The following RBMS3 variants were observed in gnomAD, a reference collection of about 807,000 sequenced individuals.
RBMS3 encodes RNA-binding motif, single-stranded-interacting protein 3.
In RBMS3, 27 loss-of-function variants were observed where a neutral mutation model predicts 66.8. The observed-to-expected ratio is 0.40, with a 90% confidence interval of 0.30 to 0.56. RBMS3 has a LOEUF of 0.56. Ranked by LOEUF, RBMS3 falls within the 20% of genes least tolerant of loss-of-function variation. RBMS3 has a pLI of 0.40. For synonymous variants in RBMS3, 188 were observed against 183.0 expected, an observed-to-expected ratio of 1.03 and a Z score of -0.22; for missense variants, 513 against 549.5, an observed-to-expected ratio of 0.93 and a Z score of 0.66.
chr3:29,473,709 G>A (rs2042840108), intron 2 of RBMS3, among the ~76,000 whole-genome samples: 1 of 151,630 alleles, frequency 6.6e-6, no homozygotes, highest in South Asian at 2.1e-4. Context: ...GGCACTGCTG[G>A]GGGACCCAGT....
intron 4 of RBMS3, among the ~76,000 whole-genome samples, chr3:29,629,570 A>G (rs560615160): frequency 3.3e-5 from 5 of 152,104 alleles, no homozygotes; most frequent in Non-Finnish European, 7.4e-5. Context: ...CAAGATAATG[A>G]GCAGATTCAG....
intron 5 of RBMS3, among the ~76,000 whole-genome samples, chr3:29,741,227 C>T (rs17024316): frequency 1.6e-4 from 24 of 151,848 alleles, no homozygotes; most frequent in African/African-American, 5.3e-4. Flanking sequence ...GAGACAAATG[C>T]AAGGTACATG....
At chr3:29,296,577 T>C (rs1219323715) in intron 1 of RBMS3, among the ~76,000 whole-genome samples, 2 of 151,732 alleles carry the variant, frequency 1.3e-5, no homozygotes, top group East Asian at 3.9e-4. Flanking sequence ...AATGTTAAGA[T>C]CAGAGCATGA....
intron 3 of RBMS3, among the ~76,000 whole-genome samples, chr3:29,573,600 T>C (rs59576812): frequency 0.018 from 2,677 of 152,284 alleles, 74 homozygotes; most frequent in African/African-American, 0.06. Context: ...TCTTTTCTTC[T>C]AACTTTGCGT....
chr3:29,698,174 C>G, intron 4 of RBMS3: 1 of 973,896 alleles, frequency 1.0e-6, no homozygotes, highest in Non-Finnish European at 1.2e-6. Flanking sequence ...CTTCAGACTA[C>G]TGTTATTCTA....
intron 4 of RBMS3, among the ~76,000 whole-genome samples, chr3:29,734,449 T>C (rs1212501483): frequency 6.6e-6 from 1 of 152,132 alleles, no homozygotes; most frequent in African/African-American, 2.4e-5. Context: ...GTTATGAATA[T>C]GCTAATGACC....
At chr3:29,503,718 A>G (rs535664211) in intron 3 of RBMS3, among the ~76,000 whole-genome samples, 5 of 152,260 alleles carry the variant, frequency 3.3e-5, no homozygotes, top group African/African-American at 1.2e-4. Flanking sequence ...AACCAAAATC[A>G]AGTAATTCTC....
chr3:29,783,500 G>C (rs2056712909), intron 6 of RBMS3, among the ~76,000 whole-genome samples: 1 of 152,116 alleles, frequency 6.6e-6, no homozygotes, highest in South Asian at 2.1e-4. Context: ...AATGCTGAGA[G>C]AATTTGCTAC....
intron 4 of RBMS3, among the ~76,000 whole-genome samples, chr3:29,704,128 A>C (rs2052762781): frequency 6.6e-6 from 1 of 152,176 alleles, no homozygotes; most frequent in Non-Finnish European, 1.5e-5. Context: ...TGAGTCATAT[A>C]ATTATTTTAT....
intron 3 of RBMS3, chr3:29,537,808 G>A (rs2045625762): frequency 7.0e-6 from 1 of 142,768 alleles, no homozygotes. Context: ...GTGGGAAAGA[G>A]CGAGACTCCA....
chr3:29,709,998 C>T (rs1022705749), intron 4 of RBMS3, among the ~76,000 whole-genome samples: 33 of 152,228 alleles, frequency 2.2e-4, no homozygotes, highest in Middle Eastern at 3.4e-3. Context: ...TACCATTTTT[C>T]AGATGACATT....
At chr3:29,501,329 C>A (rs551907637) in intron 3 of RBMS3, among the ~76,000 whole-genome samples, 1 of 152,226 alleles carries the variant, frequency 6.6e-6, no homozygotes, top group Non-Finnish European at 1.5e-5. Context: ...CCACTCTGTG[C>A]GTCTTTCAAA....
At chr3:29,417,030 A>T (rs9310896) in intron 1 of RBMS3, among the ~76,000 whole-genome samples, 1 of 151,632 alleles carries the variant, frequency 6.6e-6, no homozygotes, top group South Asian at 2.1e-4. Context: ...CTGTCTCTAG[A>T]TAATTCTCCC....
intron 1 of RBMS3, among the ~76,000 whole-genome samples, chr3:29,332,346 G>T (rs576029243): frequency 1.3e-5 from 2 of 152,104 alleles, no homozygotes; most frequent in South Asian, 4.1e-4. Flanking sequence ...TTTTCCTAAG[G>T]TCTTTATTCA....
At position 29,739,349 on chromosome 3, in the gene RBMS3, G is replaced by A. The variant is rs1156925845; in HGVS notation, c.400-371G>A. ...CGGGCGCCTGTAGTCCCAGCTACTC[G>A]GGAGGCTGAAGCAGGAGAATGGCGT... is the stretch of plus-strand genomic sequence containing the variant. On this transcript the variant is annotated intron_variant, in intron 4 of 14. Transcript: ENST00000383767. Among the ~76,000 whole-genome samples, 5 of 151,944 alleles carry A rather than the reference G, an allele frequency of 3.3e-5. No homozygotes were observed. In the East Asian group the frequency reaches 5.8e-4, roughly 18 times the overall value.
At chr3:29,826,563 A>G (rs1283743232) in intron 6 of RBMS3, among the ~76,000 whole-genome samples, 2 of 152,300 alleles carry the variant, frequency 1.3e-5, no homozygotes, top group South Asian at 2.1e-4. Flanking sequence ...TTAAAACAAC[A>G]TAATCTTAAT....
intron 10 of RBMS3, among the ~76,000 whole-genome samples, chr3:29,912,691 T>A (rs2060545764): frequency 6.6e-6 from 1 of 152,176 alleles, no homozygotes; most frequent in East Asian, 1.9e-4. Context: ...TCTGAAGAAA[T>A]GTATAGGGCA....
chr3:29,702,676 T>C (rs1304241330), intron 4 of RBMS3, among the ~76,000 whole-genome samples: 2 of 150,482 alleles, frequency 1.3e-5, no homozygotes, highest in East Asian at 3.9e-4. Context: ...AATGAACAAC[T>C]CTGGATGAGA....
At chr3:29,394,335 G>A (rs1008748592) in intron 1 of RBMS3, among the ~76,000 whole-genome samples, 3 of 152,120 alleles carry the variant, frequency 2.0e-5, no homozygotes, top group Non-Finnish European at 2.9e-5. Flanking sequence ...CCTGAAAATC[G>A]CTGTTATCCT....
Sources: gnomAD v4.1 joint callset for allele counts (sites outside exome capture counted in the v4.1 genomes callset) on GRCh38, gnomAD v4.1.1 for gene constraint, MANE v1.5 for transcripts, NCBI Gene and HGNC (gene_info 2026-07-23, HGNC 2026-07-21) for gene names.